Variants in MAP7 observed in about 807,000 individuals in gnomAD.
MAP7 encodes microtubule associated protein 7.
MAP7 carries 52 observed loss-of-function variants against 94.8 expected under a neutral mutation model. That is an observed-to-expected ratio of 0.55 (90% confidence interval 0.44 to 0.69). MAP7 has a LOEUF of 0.69. Ranked by LOEUF, MAP7 falls within the 30% of genes least tolerant of loss-of-function variation. The pLI, the probability that MAP7 is intolerant of heterozygous loss-of-function variation, is 0.00. For missense variants in MAP7, 940 were observed against 964.6 expected, an observed-to-expected ratio of 0.97 and a Z score of 0.34; for synonymous variants, 350 against 357.0, an observed-to-expected ratio of 0.98 and a Z score of 0.22.
At chr6:136,393,036 C>T (rs1582774825) in intron 3 of MAP7, among the ~76,000 whole-genome samples, 2 of 152,220 alleles carry the variant, frequency 1.3e-5, no homozygotes, top group Middle Eastern at 3.4e-3. Flanking sequence ...ATTCACAAAT[C>T]AATTTTTCTT....
In MAP7 at chr6:136,527,786, T is replaced by A. The variant is rs1423367371; in HGVS notation, c.67+22556A>T. Among the ~76,000 whole-genome samples, 3 of 152,206 alleles carry A rather than the reference T, an allele frequency of 2.0e-5. No homozygotes were observed. The East Asian group carries it at 5.8e-4, about 29-fold the overall frequency. ...AAGTACTTCTTTGTATCTACTCTTA[T>A]TGTCCAGCATGGTGCTGGGGGATGT... On this transcript the variant is annotated intron_variant, in intron 1 of 17. Coordinates refer to ENST00000354570, the MANE Select transcript of MAP7 (RefSeq NM_003980.6).
chr6:136,517,103 A>G (rs1184711179), intron 1 of MAP7, among the ~76,000 whole-genome samples: 1 of 152,224 alleles, frequency 6.6e-6, no homozygotes, highest in African/African-American at 2.4e-5. Context: ...CCTTAATCAT[A>G]TTTAAAATAA....
chr6:136,466,473 G>A (rs1347494921), intron 1 of MAP7, among the ~76,000 whole-genome samples: 2 of 152,076 alleles, frequency 1.3e-5, no homozygotes, highest in Admixed American at 1.3e-4. Context: ...AGAGAATGAT[G>A]ATGGTTTGCC....
chr6:136,526,437 T>C (rs1463891494), intron 1 of MAP7: 2 of 986,974 alleles, frequency 2.0e-6, no homozygotes, highest in African/African-American at 3.5e-5. Context: ...CACAGTAAAA[T>C]ATTCAGCCCA....
chr6:136,463,949 C>T (rs368246878), intron 1 of MAP7, among the ~76,000 whole-genome samples: 4 of 152,164 alleles, frequency 2.6e-5, no homozygotes, highest in African/African-American at 7.2e-5. Flanking sequence ...AACCATAAAA[C>T]GCCTGGTAAA....
At chr6:136,408,341 C>T (rs978916529) in intron 3 of MAP7, among the ~76,000 whole-genome samples, 1 of 152,128 alleles carries the variant, frequency 6.6e-6, no homozygotes, top group African/African-American at 2.4e-5. Context: ...GCAGAAAAAG[C>T]AGGCCACATG....
At chr6:136,457,169 A>T (rs1170221773) in intron 1 of MAP7, among the ~76,000 whole-genome samples, 1 of 151,936 alleles carries the variant, frequency 6.6e-6, no homozygotes, top group African/African-American at 2.4e-5. Context: ...TGAACAATTA[A>T]ACAATTATAT....
rs540554923 is a variant in MAP7, at chr6:136,440,422, C to G, written c.68-18623G>C. 5.9e-5 allele frequency among the ~76,000 whole-genome samples: 9 copies of G among 152,164 alleles called. No homozygotes were observed. The South Asian group carries it at 1.9e-3, about 32-fold the overall frequency. On this transcript the variant is annotated intron_variant, in intron 1 of 17. Coordinates refer to ENST00000354570, the MANE Select transcript of MAP7 (RefSeq NM_003980.6). ...AGTGAGTAGGTATGTGGGTGGGAGGCACTCCTTGCCAAGGAGAGGGCATCA... is the reference window on the plus strand; with the variant it reads ...AGTGAGTAGGTATGTGGGTGGGAGGGACTCCTTGCCAAGGAGAGGGCATCA...
chr6:136,416,756 A>T (rs1163836417), intron 2 of MAP7, among the ~76,000 whole-genome samples: 1 of 152,016 alleles, frequency 6.6e-6, no homozygotes, highest in Non-Finnish European at 1.5e-5. Flanking sequence ...CACTGAGCCA[A>T]GATCGCACCA....
intron 16 of MAP7, among the ~76,000 whole-genome samples, chr6:136,348,029 C>T (rs185343165): frequency 6.4e-4 from 90 of 140,518 alleles, no homozygotes; most frequent in Non-Finnish European, 1.2e-3. Context: ...CCCCAAGTCA[C>T]GTGTGCACAC....
At chr6:136,422,350 C>A (rs372048059) in intron 1 of MAP7, among the ~76,000 whole-genome samples, 1 of 152,034 alleles carries the variant, frequency 6.6e-6, no homozygotes, top group African/African-American at 2.4e-5. Flanking sequence ...TCTGAATAAG[C>A]CCTGATAAAT....
chr6:136,381,100 A>G (rs939639317), intron 6 of MAP7, among the ~76,000 whole-genome samples: 1 of 152,372 alleles, frequency 6.6e-6, no homozygotes, highest in East Asian at 1.9e-4. Context: ...ATGCTTTCTA[A>G]TGAGATAATA....
Position 136,345,673 on chromosome 6 carries a change from G to A in MAP7, c.2239+183C>T, listed in dbSNP as rs999132662. On this transcript the variant is annotated intron_variant, in intron 17 of 17. Coordinates refer to ENST00000354570, the MANE Select transcript of MAP7 (RefSeq NM_003980.6). The stretch of plus-strand genomic sequence containing the variant: ...TGAGAGAATAGGAGAGGCCTTAGAA[G>A]TTGTCCAATCCAACTCAAAATTCAA... The A allele has an allele frequency of 6.3e-5, 43 of 678,670 alleles. 2 individuals are homozygous for A. The highest frequency in any genetic ancestry group is 4.8e-4 in the South Asian group (30 of 62,770). The allele number at this position is 678,670 out of a possible 1,614,324, so 42.0% of individuals were successfully genotyped here.
chr6:136,370,839 C>A (rs1774251725), intron 8 of MAP7, among the ~76,000 whole-genome samples: 1 of 150,540 alleles, frequency 6.6e-6, no homozygotes, highest in Non-Finnish European at 1.5e-5. Context: ...GGTTGCACTT[C>A]AATATGAATA....
intron 16 of MAP7, among the ~76,000 whole-genome samples, chr6:136,347,226 A>G (rs1171530306): frequency 6.6e-6 from 1 of 152,212 alleles, no homozygotes; most frequent in African/African-American, 2.4e-5. Context: ...TATGTGTGCA[A>G]GCTTCAAAAC....
intron 8 of MAP7, 100 bp downstream of exon 8, chr6:136,372,401 C>T (rs901785456): frequency 7.2e-7 from 1 of 1,379,702 alleles, no homozygotes; most frequent in African/African-American, 1.4e-5. Context: ...GTCACGGTCT[C>T]CCCCTCTTAC....
chr6:136,418,210 T>TGTTC, intron 2 of MAP7, among the ~76,000 whole-genome samples: 1 of 151,832 alleles, frequency 6.6e-6, no homozygotes, highest in East Asian at 1.9e-4. Context: ...TAATGTGGTT[T>TGTTC]GTTTGTTTGT....
At chr6:136,535,094 C>A (rs1267348110) in intron 1 of MAP7, among the ~76,000 whole-genome samples, 1 of 152,102 alleles carries the variant, frequency 6.6e-6, no homozygotes, top group Non-Finnish European at 1.5e-5. Context: ...TGAAATGTAA[C>A]CCCCAATGTT....
intron 1 of MAP7, among the ~76,000 whole-genome samples, chr6:136,445,644 C>T (rs1294540223): frequency 3.9e-5 from 6 of 152,202 alleles, no homozygotes; most frequent in Non-Finnish European, 7.3e-5. Flanking sequence ...CTCTTACAAC[C>T]ACCTATTAGT....
Sources: allele counts gnomAD v4.1 joint callset (sites outside exome capture counted in the v4.1 genomes callset), GRCh38; gene constraint gnomAD v4.1.1; transcripts MANE v1.5; gene names NCBI Gene and HGNC (gene_info 2026-07-23, HGNC 2026-07-21).